WDR62: variants seen among roughly 807,000 people sequenced by gnomAD.
WDR62 encodes WD repeat domain 62.
Under a neutral mutation model 160.6 loss-of-function variants are expected in WDR62, and 112 were observed. The observed-to-expected ratio is 0.70, with a 90% CI of 0.60 to 0.82. The LOEUF (loss-of-function observed/expected upper bound fraction) is 0.82. Ranked by LOEUF, WDR62 falls within the 40% of genes least tolerant of loss-of-function variation. WDR62 has a pLI of 0.00. For synonymous variants in WDR62, 792 were observed against 815.1 expected (o/e 0.97, Z 0.48); for missense variants, 1,819 against 1,983.8 (o/e 0.92, Z 1.58).
intron 1 of WDR62, among the ~76,000 whole-genome samples, chr19:36,057,390 GC>G (rs1357089566): frequency 1.3e-5 from 2 of 152,124 alleles, no homozygotes; most frequent in African/African-American, 4.8e-5. Flanking sequence ...TCATACCAGG[GC>G]CCAGTAATGC....
At chr19:36,078,345 G>A (rs778769991) in intron 9 of WDR62, among the ~76,000 whole-genome samples, 18 of 150,816 alleles carry the variant, frequency 1.2e-4, no homozygotes, top group Admixed American at 4.0e-4. Flanking sequence ...ACACGGTTTC[G>A]CCGTGTTGGC....
At chr19:36,059,822 G>T in intron 2 of WDR62, 146 bp from the exon 3 acceptor site, 2 of 818,282 alleles carry the variant, frequency 2.4e-6, no homozygotes, top group Non-Finnish European at 4.3e-6. Context: ...AATTCTCAGC[G>T]TAAACACCTG....
In WDR62 at chr19:36,103,378, G is replaced by A. The variant is rs1599847481; in HGVS notation, c.3550G>A (p.Ala1184Thr). 3 of 1,613,744 alleles carry A rather than the reference G, an allele frequency of 1.9e-6. No homozygotes were observed. The highest frequency in any genetic ancestry group is 2.5e-6 in the Non-Finnish European group (3 of 1,179,992). Residue 1184 changes from alanine (A) to threonine (T), a missense_variant, in exon 30 of 32, where the codon GCT (alanine) becomes ACT (threonine). Around this residue, in one of 3 missense-constraint regions of WDR62, gnomAD observed 770 missense variants for 734.2 expected, o/e 1.05. Coordinates refer to ENST00000401500, the MANE Select transcript of WDR62 (RefSeq NM_001083961.2). ...TACGAGCCTGGCGTCCTGTGTCCCT[G>A]CTTCCTCCGTGCTGCCCACAGACAG... ...CLTSLASCVP[A>T]SSVLPTDRNL...
At chr19:36,102,270 C>T in intron 26 of WDR62, 119 bp downstream of exon 26, 7 of 1,466,890 alleles carry the variant, frequency 4.8e-6, no homozygotes, top group African/African-American at 1.4e-5. Context: ...GCAACTGCTT[C>T]GTTTTTTTTG....
intron 11 of WDR62, 42 bp from the exon 12 acceptor site, chr19:36,084,611 G>T (rs768212521): frequency 3.8e-6 from 6 of 1,594,300 alleles, no homozygotes; most frequent in African/African-American, 1.3e-5. Context: ...GAGCACATGG[G>T]GCTGGGGTGT....
chr19:36,091,733 C>CA (rs1341877200), intron 18 of WDR62, among the ~76,000 whole-genome samples: 2 of 151,744 alleles, frequency 1.3e-5, no homozygotes. Context: ...CCTATCTCTA[C>CA]AAAAAATTAG....
chr19:36,067,249 A>G (rs754668094), intron 5 of WDR62, 57 bp from the exon 6 acceptor site: 26 of 1,612,912 alleles, frequency 1.6e-5, no homozygotes, highest in Non-Finnish European at 2.2e-5. Context: ...GGGCAAAGGC[A>G]CAAACAGTCC....
At chr19:36,107,918 G>A (rs1467765696), downstream of WDR62, among the ~76,000 whole-genome samples, 2 of 152,120 alleles carry the variant, frequency 1.3e-5, no homozygotes, top group Non-Finnish European at 2.9e-5. Context: ...GCAGAAAGAT[G>A]ACAGCATGCT....
intron 7 of WDR62, among the ~76,000 whole-genome samples, chr19:36,068,432 A>G (rs1003515295): frequency 6.6e-6 from 1 of 152,038 alleles, no homozygotes; most frequent in Non-Finnish European, 1.5e-5. Context: ...TCTTAGGACA[A>G]TAGTGGAGGG....
chr19:36,080,483 A>G lies in WDR62; in HGVS notation c.1234-950A>G, dbSNP rs566260158. Among the ~76,000 whole-genome samples, 4 of 141,370 alleles carry G rather than the reference A, an allele frequency of 2.8e-5. No homozygotes were observed. The South Asian group carries it at 6.9e-4, about 24-fold the overall frequency. The allele number at this position is 141,370 out of a possible 152,430, so 92.7% of individuals were successfully genotyped here. ...CTCTTGTTACCCAGACTGGAGTGCA[A>G]TGGCGCGATCTTGGCTCACTGCAAC... On this transcript the variant is annotated intron_variant, in intron 9 of 31. Transcript: ENST00000401500.
intron 19 of WDR62, among the ~76,000 whole-genome samples, 189 bp downstream of exon 19, chr19:36,093,000 T>C (rs181040467): frequency 2.6e-5 from 4 of 152,328 alleles, no homozygotes; most frequent in African/African-American, 9.6e-5. Context: ...TTGTGGATTT[T>C]TTTAATTTTC....
At chr19:36,066,151 G>A in intron 4 of WDR62, 106 bp from the exon 5 acceptor site, 1 of 1,583,226 alleles carries the variant, frequency 6.3e-7, no homozygotes, top group Non-Finnish European at 8.7e-7. Flanking sequence ...AGATGGGGGA[G>A]GTGGCTTTTG....
In WDR62 at chr19:36,089,173, C is replaced by T. The variant is rs773051177; in HGVS notation, c.1837-12C>T. The T allele has an allele frequency of 1.7e-5, 27 of 1,613,526 alleles. No individual in the cohort carries two copies. The highest frequency in any genetic ancestry group is 1.1e-4 in the East Asian group (5 of 44,870). ...TCGGGGCATTCTCTGAAGGTCCTGC[C>T]GGCCCTGCCAGGGTTCGGATGGACT... On this transcript the variant is annotated splice_polypyrimidine_tract_variant and intron_variant, in intron 14 of 31. Coordinates refer to ENST00000401500, the MANE Select transcript of WDR62 (RefSeq NM_001083961.2).
chr19:36,091,061 G>C (rs994851262), intron 16 of WDR62, 139 bp from the exon 17 acceptor site: 2 of 725,454 alleles, frequency 2.8e-6, no homozygotes, highest in South Asian at 1.5e-5. Context: ...ATTTCTTCAC[G>C]TGTCGAATGG....
At chr19:36,071,491 C>A in intron 7 of WDR62, 65 bp from the exon 8 acceptor site, 1 of 1,600,480 alleles carries the variant, frequency 6.2e-7, no homozygotes. Context: ...CTCTGTCAGT[C>A]CCCATATCCC....
At chr19:36,107,820 T>C (rs1443636932), downstream of WDR62, among the ~76,000 whole-genome samples, 1 of 152,134 alleles carries the variant, frequency 6.6e-6, no homozygotes, top group African/African-American at 2.4e-5. Flanking sequence ...TTCTCCATAC[T>C]TCTTAACCAG....
chr19:36,060,286 G>C (rs1043105961), intron 3 of WDR62: 1 of 536,242 alleles, frequency 1.9e-6, no homozygotes, highest in Non-Finnish European at 3.4e-6. Context: ...ATCATGATCA[G>C]TGCTATGGAG....
At chr19:36,085,484 G>T (rs1027599672) in intron 12 of WDR62, among the ~76,000 whole-genome samples, 4 of 145,408 alleles carry the variant, frequency 2.8e-5, no homozygotes, top group Non-Finnish European at 6.0e-5. Flanking sequence ...GCAATGACGC[G>T]ATCTCAGTTC....
chr19:36,073,652 C>T lies in WDR62; in HGVS notation c.1233+121C>T, dbSNP rs778584824. On this transcript the variant is annotated intron_variant, in intron 9 of 31. Coordinates refer to ENST00000401500, the MANE Select transcript of WDR62 (RefSeq NM_001083961.2). ...TTGACTCCCTCCTATGCATCAGGCC[C>T]TGTCCTAGGTGCTGAGGACACAGAC... 6 of 834,804 alleles carry T rather than the reference C, an allele frequency of 7.2e-6. No homozygotes were observed. The South Asian group carries it at 8.6e-5, about 12-fold the overall frequency. 51.7% of individuals were successfully genotyped at this position (834,804 alleles called of 1,614,324 possible). A position where few individuals can be genotyped will look rare whatever the true frequency, so the allele number is the denominator to read the frequency against.
Sources: gnomAD v4.1 joint callset for allele counts (sites outside exome capture counted in the v4.1 genomes callset) on GRCh38, gnomAD v4.1.1 for gene constraint, gnomAD v4.1.1 regional missense constraint, MANE v1.5 for transcripts, NCBI Gene and HGNC (gene_info 2026-07-23, HGNC 2026-07-21) for gene names.